ATP8A1: variants seen among roughly 807,000 people sequenced by gnomAD.
The protein encoded by ATP8A1 is ATPase phospholipid transporting 8A1, also known as phospholipid-transporting ATPase IA.
In ATP8A1, 90 loss-of-function variants were observed where a neutral mutation model predicts 177.7. The ratio of observed to expected loss-of-function variants is 0.51; its 90% CI spans 0.43 to 0.60. The LOEUF (loss-of-function observed/expected upper bound fraction) is 0.60. Among genes scored for constraint, ATP8A1 ranks in the 20% least tolerant of loss-of-function variants. ATP8A1 has a pLI of 0.00. For synonymous variants in ATP8A1, 493 were observed against 485.9 expected, an observed-to-expected ratio of 1.01 and a Z score of -0.19; for missense variants, 1,072 against 1,392.8, an observed-to-expected ratio of 0.77 and a Z score of 3.67.
chr4:42,502,046 T>G (rs1242893588), intron 24 of ATP8A1, among the ~76,000 whole-genome samples: 1 of 125,878 alleles, frequency 7.9e-6, no homozygotes, highest in African/African-American at 3.5e-5. Context: ...ACTGATATAC[T>G]TTTTTTTTTT....
chr4:42,624,567 A>G lies in ATP8A1; in HGVS notation c.332T>C (p.Val111Ala). 1 of 1,503,852 alleles carries G rather than the reference A, an allele frequency of 6.6e-7. No homozygotes were observed. Among genetic ancestry groups the G allele is most frequent in the Non-Finnish European group, 8.9e-7 (1 of 1,124,494 alleles). 93.2% of individuals were successfully genotyped at this position (1,503,852 alleles called of 1,614,324 possible). Residue 111 changes from valine to alanine, a missense_variant, in exon 4 of 37, where the codon GTG becomes GCG. This residue lies in a region of ATP8A1 where 344 missense variants were observed against 393.5 expected (regional missense o/e 0.87). Transcript: ENST00000381668. ...TTCTATTATCTCTTTGATAGCTGCC[A>G]CAGCTAAAATAAATAAGAGAGGAAC... is the stretch of plus-strand genomic sequence containing the variant. ...TLVPLLFILA[V>A]AAIKEIIEDI...
intron 5 of ATP8A1, among the ~76,000 whole-genome samples, chr4:42,602,376 G>A (rs975973165): frequency 2.0e-5 from 3 of 152,160 alleles, no homozygotes; most frequent in African/African-American, 4.8e-5. Context: ...TTTCTGACCC[G>A]GAGTCAAAAC....
At chr4:42,549,179 T>TTCCATATTTCA in intron 18 of ATP8A1, 117 bp from the exon 19 acceptor site, 1 of 746,274 alleles carries the variant, frequency 1.3e-6, no homozygotes, top group Non-Finnish European at 2.2e-6. Flanking sequence ...AAATTTTCCC[T>TTCCATATTTCA]GCTGAAATAT....
chr4:42,598,727 C>T (rs1346591959), intron 6 of ATP8A1, among the ~76,000 whole-genome samples: 4 of 152,098 alleles, frequency 2.6e-5, no homozygotes, highest in African/African-American at 7.2e-5. Flanking sequence ...TGTAGGCCTC[C>T]CATAGGCCAC....
chr4:42,512,693 A>G (rs1210449807), intron 22 of ATP8A1, among the ~76,000 whole-genome samples: 2 of 152,198 alleles, frequency 1.3e-5, no homozygotes, highest in Non-Finnish European at 2.9e-5. Context: ...CAGGCCAGAA[A>G]TCTAGATGGT....
At chr4:42,535,422 A>G (rs1727716742) in intron 20 of ATP8A1, among the ~76,000 whole-genome samples, 1 of 152,200 alleles carries the variant, frequency 6.6e-6, no homozygotes, top group Admixed American at 6.5e-5. Flanking sequence ...CACAATCCTA[A>G]ATATATATGC....
intron 16 of ATP8A1, among the ~76,000 whole-genome samples, chr4:42,555,131 ATCTATCTAATCT>A (rs1475793471): frequency 0.017 from 1,309 of 75,488 alleles, 2 homozygotes; most frequent in Admixed American, 0.024. Flanking sequence ...CTATCTATCT[ATCTATCTAATCT>A]ATCTATCTAT....
At chr4:42,576,359 C>T (rs913976730) in intron 12 of ATP8A1, among the ~76,000 whole-genome samples, 1 of 151,342 alleles carries the variant, frequency 6.6e-6, no homozygotes, top group Non-Finnish European at 1.5e-5. Flanking sequence ...ACCTGCAGTC[C>T]CAGCTACGGT....
chr4:42,493,782 TA>T (rs1390335287), intron 24 of ATP8A1, among the ~76,000 whole-genome samples: 18 of 152,244 alleles, frequency 1.2e-4, no homozygotes, highest in South Asian at 4.1e-4. Flanking sequence ...GTAGAGAGAT[TA>T]TAGTGATAAG....
rs369500866 is a variant in ATP8A1, at chr4:42,455,512, G to A, written c.2694+13C>T. 261 of 1,613,480 alleles carry A rather than the reference G, an allele frequency of 1.6e-4. No homozygotes were observed. In the African/African-American group the frequency reaches 2.9e-3, roughly 18 times the overall value. Reference sequence around the variant, plus strand: ...TTCAATGAAACAGGAATTATCAAATGTCCTAAACTTACCACGTTATAGAGA... The same window carrying A: ...TTCAATGAAACAGGAATTATCAAATATCCTAAACTTACCACGTTATAGAGA... On this transcript the variant is annotated intron_variant, in intron 28 of 36. Transcript: ENST00000381668.
At chr4:42,548,943 T>C (rs1729203095) in intron 19 of ATP8A1, 70 bp downstream of exon 19, 3 of 1,259,932 alleles carry the variant, frequency 2.4e-6, no homozygotes, top group Non-Finnish European at 3.4e-6. Flanking sequence ...TTCTAGTTAT[T>C]CAAAAGGGAA....
intron 20 of ATP8A1, among the ~76,000 whole-genome samples, chr4:42,534,902 G>T (rs949640316): frequency 2.6e-5 from 4 of 152,208 alleles, no homozygotes; most frequent in South Asian, 4.1e-4. Context: ...TGTATCCAGC[G>T]AAACTAAGCT....
chr4:42,461,438 CAA>C (rs1247293037), intron 27 of ATP8A1, among the ~76,000 whole-genome samples: 1 of 151,980 alleles, frequency 6.6e-6, no homozygotes, highest in African/African-American at 2.4e-5. Flanking sequence ...GAATAAGTCT[CAA>C]GAGATTTGAT....
chr4:42,499,455 C>G (rs1007276688), intron 24 of ATP8A1, among the ~76,000 whole-genome samples: 9 of 152,094 alleles, frequency 5.9e-5, no homozygotes, highest in African/African-American at 1.7e-4. Context: ...AAGGAGAGAT[C>G]AAGGTTAAGG....
At chr4:42,558,419 G>T (rs1370199615) in intron 15 of ATP8A1, among the ~76,000 whole-genome samples, 1 of 152,192 alleles carries the variant, frequency 6.6e-6, no homozygotes, top group Non-Finnish European at 1.5e-5. Context: ...CACAGTTAAG[G>T]TAAGGAGAAC....
intron 6 of ATP8A1, among the ~76,000 whole-genome samples, chr4:42,598,158 GT>G (rs1289387886): frequency 1.3e-5 from 2 of 151,890 alleles, no homozygotes; most frequent in African/African-American, 4.8e-5. Context: ...CTATTTGTAC[GT>G]TTTCTAAAAA....
intron 22 of ATP8A1, among the ~76,000 whole-genome samples, chr4:42,517,083 C>T (rs562846656): frequency 9.3e-5 from 14 of 150,650 alleles, no homozygotes; most frequent in Non-Finnish European, 1.8e-4. Context: ...GGGTGGATCA[C>T]GAGGTCAGGA....
At chr4:42,535,288 T>C (rs943396820) in intron 20 of ATP8A1, among the ~76,000 whole-genome samples, 5 of 152,064 alleles carry the variant, frequency 3.3e-5, no homozygotes, top group African/African-American at 1.2e-4. Context: ...TCTATGCAAA[T>C]GGACACCAAA....
intron 33 of ATP8A1, among the ~76,000 whole-genome samples, chr4:42,441,419 C>A (rs1448551809): frequency 6.6e-6 from 1 of 151,854 alleles, no homozygotes; most frequent in Non-Finnish European, 1.5e-5. Context: ...AAAATATAGA[C>A]CTAAGAGTAG....
Sources: gnomAD v4.1 joint callset for allele counts (sites outside exome capture counted in the v4.1 genomes callset) on GRCh38, gnomAD v4.1.1 for gene constraint, gnomAD v4.1.1 regional missense constraint, MANE v1.5 for transcripts, NCBI Gene and HGNC (gene_info 2026-07-23, HGNC 2026-07-21) for gene names.